Variants in WDR7 observed in about 807,000 individuals in gnomAD.
WDR7 encodes the protein WD repeat domain 7, also known as WD repeat-containing protein 7.
In WDR7, 46 loss-of-function variants were observed where a neutral mutation model predicts 169.4. The ratio of observed to expected loss-of-function variants is 0.27; its 90% CI spans 0.21 to 0.35. The LOEUF is 0.35. WDR7 is among the 10% of genes least tolerant of loss of function. The pLI is 1.00. For missense variants in WDR7, 1,534 were observed against 1,859.3 expected (o/e 0.83, Z 3.22); for synonymous variants, 612 against 666.8 (o/e 0.92, Z 1.27).
At chr18:56,956,980 G>C (rs2047259688) in intron 25 of WDR7, among the ~76,000 whole-genome samples, 1 of 152,130 alleles carries the variant, frequency 6.6e-6, no homozygotes, top group Non-Finnish European at 1.5e-5. Context: ...AGGCAATTTT[G>C]CATTGTCTAC....
chr18:56,852,741 C>T (rs1343945312), intron 20 of WDR7, among the ~76,000 whole-genome samples: 1 of 152,082 alleles, frequency 6.6e-6, no homozygotes, highest in African/African-American at 2.4e-5. Context: ...TATACATACA[C>T]ATATATGGAT....
At chr18:56,746,454 A>G (rs1329726371) in intron 14 of WDR7, among the ~76,000 whole-genome samples, 1 of 152,194 alleles carries the variant, frequency 6.6e-6, no homozygotes, top group African/African-American at 2.4e-5. Context: ...AGGTTGTTAC[A>G]GTGTAATGTT....
At chr18:56,686,717 C>A in intron 6 of WDR7, 138 bp from the exon 7 acceptor site, 1 of 679,174 alleles carries the variant, frequency 1.5e-6, no homozygotes, top group South Asian at 1.9e-5. Flanking sequence ...TTTTTACTAC[C>A]GTGGCGCTTA....
At chr18:56,885,073 C>G (rs1418136214) in intron 21 of WDR7, among the ~76,000 whole-genome samples, 1 of 152,112 alleles carries the variant, frequency 6.6e-6, no homozygotes, top group Non-Finnish European at 1.5e-5. Context: ...GAAGCCACAT[C>G]CACAGTGGAA....
chr18:56,790,598 A>G (rs1343104494), intron 19 of WDR7, among the ~76,000 whole-genome samples: 1 of 152,138 alleles, frequency 6.6e-6, no homozygotes, highest in Non-Finnish European at 1.5e-5. Flanking sequence ...AAAATGATCA[A>G]ATTATACCTA....
chr18:56,685,832 A>T, intron 5 of WDR7, 124 bp from the exon 6 acceptor site: 7 of 757,256 alleles, frequency 9.2e-6, no homozygotes, highest in Non-Finnish European at 1.5e-5. Flanking sequence ...ATAGAGAATT[A>T]TGTTTTTCTG....
intron 26 of WDR7, among the ~76,000 whole-genome samples, chr18:56,996,260 T>C (rs2047897927): frequency 6.6e-6 from 1 of 152,180 alleles, no homozygotes; most frequent in Admixed American, 6.5e-5. Flanking sequence ...TCTTTTTTTC[T>C]TTTTTCTTTT....
At chr18:56,945,137 A>G (rs1354046769) in intron 25 of WDR7, among the ~76,000 whole-genome samples, 1 of 152,198 alleles carries the variant, frequency 6.6e-6, no homozygotes, top group East Asian at 1.9e-4. Context: ...GTGATCATCA[A>G]ATGTAAAAAT....
chr18:56,944,841 C>A (rs1287439655), intron 25 of WDR7, among the ~76,000 whole-genome samples: 2 of 152,072 alleles, frequency 1.3e-5, no homozygotes, highest in Non-Finnish European at 2.9e-5. Flanking sequence ...TAAATGTTTT[C>A]AAACCTATTA....
chr18:56,986,580 G>GTA (rs1335905219), intron 26 of WDR7, among the ~76,000 whole-genome samples: 1 of 152,062 alleles, frequency 6.6e-6, no homozygotes, highest in Non-Finnish European at 1.5e-5. Flanking sequence ...GTGGTATATA[G>GTA]TATAGCCTTA....
At chr18:56,919,249 A>G (rs1044111703) in intron 21 of WDR7, among the ~76,000 whole-genome samples, 5 of 152,158 alleles carry the variant, frequency 3.3e-5, no homozygotes, top group Non-Finnish European at 7.3e-5. Flanking sequence ...ATTCTGGCCA[A>G]TGAAATATGT....
intron 19 of WDR7, among the ~76,000 whole-genome samples, chr18:56,797,942 G>A (rs1182018209): frequency 6.6e-6 from 1 of 152,048 alleles, no homozygotes; most frequent in East Asian, 1.9e-4. Flanking sequence ...ATCTTTACCT[G>A]TAAATATTCT....
chr18:56,991,593 C>T (rs1657421), intron 26 of WDR7, among the ~76,000 whole-genome samples: 85,106 of 151,954 alleles, frequency 0.56, 24,313 homozygotes, highest in Middle Eastern at 0.72. Flanking sequence ...CCAAACAAAA[C>T]AGGTTTATGG....
At position 56,744,245 on chromosome 18, in the gene WDR7, G is replaced by GAAAAA. The variant is rs58110613; in HGVS notation, c.1990-12318_1990-12314dup. On this transcript the variant is annotated intron_variant, in intron 14 of 27. Coordinates refer to ENST00000254442, the MANE Select transcript of WDR7 (RefSeq NM_015285.3). ...CAGAGCGAGACTCCGTCTCAAAAAA[G>GAAAAA]AAAAAAAAAAAAAAAAAAAAAAAAG... Among the ~76,000 whole-genome samples the GAAAAA allele has an allele frequency of 1.4e-3, 118 of 86,870 alleles. 1 individual carries two copies. The highest frequency in any genetic ancestry group is 1.7e-3 in the Non-Finnish European group (76 of 45,730). The allele number at this position is 86,870 out of a possible 152,430, so 57.0% of individuals were successfully genotyped here. A position where few individuals can be genotyped will look rare whatever the true frequency, so the allele number is the denominator to read the frequency against.
At chr18:56,819,875 C>T (rs950534323) in intron 20 of WDR7, among the ~76,000 whole-genome samples, 6 of 152,012 alleles carry the variant, frequency 3.9e-5, no homozygotes, top group Admixed American at 3.3e-4. Context: ...ACTTTTATTT[C>T]CAGTATTATC....
At chr18:56,694,576 A>G in intron 9 of WDR7, 43 bp from the exon 10 acceptor site, 1 of 1,540,098 alleles carries the variant, frequency 6.5e-7, no homozygotes, top group Non-Finnish European at 8.7e-7. Flanking sequence ...AAATATTTTG[A>G]TTAAAAATAC....
At chr18:56,925,348 T>C (rs28703176) in intron 22 of WDR7, among the ~76,000 whole-genome samples, 2 of 152,132 alleles carry the variant, frequency 1.3e-5, no homozygotes, top group African/African-American at 4.8e-5. Flanking sequence ...ACCACCAGAC[T>C]GTTTTCCCAC....
chr18:56,936,558 A>G (rs1457095267), intron 23 of WDR7, among the ~76,000 whole-genome samples: 2 of 152,172 alleles, frequency 1.3e-5, no homozygotes, highest in Non-Finnish European at 2.9e-5. Flanking sequence ...CTCAGTGTCC[A>G]TGGGGTATGG....
chr18:56,850,263 T>A (rs1209478764), intron 20 of WDR7, among the ~76,000 whole-genome samples: 1 of 152,204 alleles, frequency 6.6e-6, no homozygotes, highest in African/African-American at 2.4e-5. Flanking sequence ...TTTTTTTTAT[T>A]TATTTGTTTA....
Sources: allele counts gnomAD v4.1 joint callset (sites outside exome capture counted in the v4.1 genomes callset), GRCh38; gene constraint gnomAD v4.1.1; transcripts MANE v1.5; gene names NCBI Gene and HGNC (gene_info 2026-07-23, HGNC 2026-07-21).